The following PRAG1 variants were observed in gnomAD, a reference collection of about 807,000 sequenced individuals.
PRAG1 encodes the protein PEAK1 related, kinase-activating pseudokinase 1, also known as inactive tyrosine-protein kinase PRAG1.
PRAG1 carries 110 observed loss-of-function variants against 95.6 expected under a neutral mutation model. The ratio of observed to expected loss-of-function variants is 1.15; its 90% CI spans 0.99 to 1.35. The LOEUF is 1.35. Ranked by LOEUF, PRAG1 falls within the 40% of genes most tolerant of loss-of-function variation. The pLI, the probability that PRAG1 is intolerant of heterozygous loss-of-function variation, is 0.00. For synonymous variants in PRAG1, 1,052 were observed against 819.4 expected, an observed-to-expected ratio of 1.28 and a Z score of -4.85; for missense variants, 2,554 against 1,864.7, an observed-to-expected ratio of 1.37 and a Z score of -6.81.
rs1799787131 is a variant in PRAG1 at position 8,359,644 on chromosome 8, T to G, written c.2162+16603A>C. 3.3e-5 allele frequency among the ~76,000 whole-genome samples: 5 copies of G among 152,338 alleles called. 1 individual carries two copies. In the Middle Eastern group the frequency reaches 0.014, roughly 415 times the overall value. On this transcript the variant is annotated intron_variant, in intron 3 of 5. Coordinates refer to ENST00000615670, the MANE Select transcript of PRAG1 (RefSeq NM_001080826.3). The stretch of plus-strand genomic sequence containing the variant: ...GTCCTTCAATTACAGGCTTTAACCC[T>G]ATTCTTCCTTATAAAGGAATACGGT...
At chr8:8,374,341 T>A (rs954778122) in intron 3 of PRAG1, among the ~76,000 whole-genome samples, 5 of 152,204 alleles carry the variant, frequency 3.3e-5, no homozygotes, top group Non-Finnish European at 5.9e-5. Flanking sequence ...TACCTGTGCT[T>A]TCCACTAATT....
chr8:8,349,321 C>T (rs1252889954), intron 3 of PRAG1, among the ~76,000 whole-genome samples: 1 of 151,572 alleles, frequency 6.6e-6, no homozygotes, highest in Non-Finnish European at 1.5e-5. Flanking sequence ...CGCTCTGTCA[C>T]CCAGGCTGGA....
chr8:8,335,454 G>C (rs938932624), intron 4 of PRAG1, among the ~76,000 whole-genome samples: 31 of 152,172 alleles, frequency 2.0e-4, no homozygotes, highest in Middle Eastern at 3.4e-3. Context: ...GGATGATACA[G>C]AAAAAAATCT....
rs1214344655 is a variant in PRAG1 at position 8,377,124 on chromosome 8, A to G, written c.1285T>C (p.Ser429Pro). The stretch of plus-strand genomic sequence containing the variant: ...GCTGCATGTTCTATCTTGGCCTGTG[A>G]CTTGGAAGGCACCGGAGCTGCCTTC... Reference protein sequence around the residue: ...RKKAAPVPSKSQAKIEHAAAA... With the variant: ...RKKAAPVPSKPQAKIEHAAAA... The change falls in exon 3 of 6, where the codon TCA (serine) becomes CCA (proline). Residue 429 changes from serine to proline, a missense_variant. Physicochemically the swap from Ser to Pro is moderately conservative, Grantham distance 74. Transcript: ENST00000615670. 5.6e-6 allele frequency: 9 copies of G among 1,612,838 alleles called. No homozygotes were observed. The highest frequency in any genetic ancestry group is 6.8e-6 in the Non-Finnish European group (8 of 1,179,976).
At chr8:8,335,737 T>G (rs1798964913) in intron 4 of PRAG1, among the ~76,000 whole-genome samples, 1 of 152,172 alleles carries the variant, frequency 6.6e-6, no homozygotes. Context: ...CTGGCTTGAT[T>G]TTTCTCCTGG....
At chr8:8,384,811 G>A (rs1285014259) in intron 1 of PRAG1, among the ~76,000 whole-genome samples, 2 of 152,136 alleles carry the variant, frequency 1.3e-5, no homozygotes, top group Non-Finnish European at 2.9e-5. Flanking sequence ...CTTCTGAGGG[G>A]AGGCAGCCCC....
intron 3 of PRAG1, among the ~76,000 whole-genome samples, chr8:8,343,000 C>T (rs1799221766): frequency 6.6e-6 from 1 of 152,026 alleles, no homozygotes; most frequent in Non-Finnish European, 1.5e-5. Flanking sequence ...CACATCTTTG[C>T]AACCCGCATT....
chr8:8,320,707 T>C (rs1548198), intron 5 of PRAG1, among the ~76,000 whole-genome samples: 127,126 of 152,260 alleles, frequency 0.83, 53,201 homozygotes, highest in East Asian at 0.9. Context: ...CAAACACTCC[T>C]AAAATAACCC....
intron 3 of PRAG1, among the ~76,000 whole-genome samples, chr8:8,370,339 T>C (rs778517871): frequency 3.3e-5 from 5 of 152,230 alleles, no homozygotes; most frequent in Non-Finnish European, 7.3e-5. Flanking sequence ...CTTTGTTCTG[T>C]TTGCCAAACT....
chr8:8,318,589 G>T lies in PRAG1; in HGVS notation c.3786C>A (p.Tyr1262Ter). The T allele has an allele frequency of 6.2e-7, 1 of 1,613,542 alleles. No homozygotes were observed. Among genetic ancestry groups the T allele is most frequent in the South Asian group, 1.1e-5 (1 of 91,050 alleles). ...FDEFQTGILIYELLHQPNPFE... is the reference protein window; with the variant it reads ...FDEFQTGILI ...ACGGGTTGGGTTGGTGCAGCAGCTC[G>T]TAGATGAGGATGCCTGTCTGGAACT... is the stretch of plus-strand genomic sequence containing the variant. Residue 1262 changes from tyrosine (Y) to a stop codon, truncating the protein, a stop_gained, in exon 6 of 6, where the codon TAC (tyrosine) becomes TAA (stop). Transcript: ENST00000615670. LOFTEE classifies it high-confidence loss of function. The surrounding 1 kb of genome is among the most constrained non-coding windows in gnomAD (Gnocchi z 4.2).
At chr8:8,349,579 G>T (rs1799454301) in intron 3 of PRAG1, among the ~76,000 whole-genome samples, 2 of 152,116 alleles carry the variant, frequency 1.3e-5, no homozygotes. Context: ...ACCGCGCCCG[G>T]CCGGTTTCTA....
intron 2 of PRAG1, among the ~76,000 whole-genome samples, chr8:8,378,786 A>G (rs965376263): frequency 1.3e-5 from 2 of 152,052 alleles, no homozygotes; most frequent in East Asian, 1.9e-4. Flanking sequence ...TCTTGAGCCC[A>G]GGAGGCGGAG....
intron 3 of PRAG1, among the ~76,000 whole-genome samples, chr8:8,375,524 A>C (rs1800357434): frequency 6.6e-6 from 1 of 151,718 alleles, no homozygotes; most frequent in Non-Finnish European, 1.5e-5. Context: ...AAAAACCCAC[A>C]TCTGAGGGTT....
At chr8:8,338,510 G>C (rs964147481) in intron 4 of PRAG1, among the ~76,000 whole-genome samples, 2 of 152,164 alleles carry the variant, frequency 1.3e-5, no homozygotes, top group East Asian at 1.9e-4. Context: ...GAAGATAAGA[G>C]CCTAGAAAAA....
intron 3 of PRAG1, among the ~76,000 whole-genome samples, chr8:8,357,015 G>A (rs1018941805): frequency 1.3e-5 from 2 of 152,022 alleles, no homozygotes; most frequent in African/African-American, 4.8e-5. Context: ...GCCTAATATT[G>A]TATACAAAAA....
In PRAG1 at chr8:8,318,334, C is replaced by T. The variant is rs778289297; in HGVS notation, c.4041G>A (p.Leu1347=). ...VQQPGTSEEA[L]CGTLHNWIDM... is the part of the protein sequence containing the mutation. ...CGATCCAGTTGTGCAGCGTGCCGCA[C>T]AGCGCCTCCTCCGAGGTGCCCGGCT... The change falls in exon 6 of 6, where the codon CTG becomes CTA. Residue 1347 remains leucine, a synonymous_variant. Transcript: ENST00000615670. The surrounding 1 kb of genome is among the most constrained non-coding windows in gnomAD (Gnocchi z 4.2). The T allele has an allele frequency of 1.2e-5, 19 of 1,614,018 alleles. No individual in the cohort carries two copies. The South Asian group carries it at 1.2e-4, about 10-fold the overall frequency.
At chr8:8,360,151 C>A (rs1282861431) in intron 3 of PRAG1, among the ~76,000 whole-genome samples, 4 of 152,084 alleles carry the variant, frequency 2.6e-5, no homozygotes, top group Non-Finnish European at 4.4e-5. Context: ...AAAGACAGAG[C>A]CCCTGACCCC....
chr8:8,324,839 C>T (rs1012488073), intron 5 of PRAG1, among the ~76,000 whole-genome samples: 1 of 152,122 alleles, frequency 6.6e-6, no homozygotes, highest in African/African-American at 2.4e-5. Flanking sequence ...AATGAAACTG[C>T]TTCGAAGACG....
In PRAG1 at chr8:8,319,211, ACGAAGTGGC is replaced by A; in HGVS notation, c.3155_3163del (p.Gly1052_Phe1054del). Reference sequence around the variant, plus strand: ...GAGCATGCTGGACGGCACCGAGGCGACGAAGTGGCCGCAGTCCTGCTGGATGTTAAAGTG... The same window carrying A: ...GAGCATGCTGGACGGCACCGAGGCGACGCAGTCCTGCTGGATGTTAAAGTG... On this transcript the variant is annotated inframe_deletion, in exon 6 of 6. Coordinates refer to ENST00000615670, the MANE Select transcript of PRAG1 (RefSeq NM_001080826.3). 1.3e-6 allele frequency: 2 copies of A among 1,585,898 alleles called. No individual in the cohort carries two copies. The highest frequency in any genetic ancestry group is 1.7e-6 in the Non-Finnish European group (2 of 1,162,438).
Sources: allele counts gnomAD v4.1 joint callset (sites outside exome capture counted in the v4.1 genomes callset), GRCh38; gene constraint gnomAD v4.1.1; non-coding constraint Gnocchi (gnomAD v3.1); transcripts MANE v1.5; gene names NCBI Gene and HGNC (gene_info 2026-07-23, HGNC 2026-07-21).